Variants in PCDHGA4 observed in about 807,000 individuals in gnomAD.
PCDHGA4 encodes protocadherin gamma subfamily A, 4.
A neutral mutation model predicts 54.6 loss-of-function variants in PCDHGA4; 38 were observed. The observed-to-expected ratio is 0.70, with a 90% CI of 0.54 to 0.91. PCDHGA4 has a LOEUF of 0.91. PCDHGA4 is among the 40% of genes least tolerant of loss of function. PCDHGA4 has a pLI of 0.00. For missense variants in PCDHGA4, 1,298 were observed against 1,220.9 expected (o/e 1.06, Z -0.94); for synonymous variants, 511 against 512.9 (o/e 1.00, Z 0.05).
At chr5:141,385,197 T>A (rs371691840) in intron 1 of PCDHGA4, 1 of 1,613,774 alleles carries the variant, frequency 6.2e-7, no homozygotes, top group African/African-American at 1.3e-5. Flanking sequence ...CTCGGAAGAG[T>A]CACCTGATCT....
chr5:141,444,915 T>C (rs1262912255), intron 1 of PCDHGA4, among the ~76,000 whole-genome samples: 1 of 152,174 alleles, frequency 6.6e-6, no homozygotes, highest in East Asian at 1.9e-4. Flanking sequence ...TCTATACCTT[T>C]ATCAGGGAAA....
chr5:141,490,423 T>C lies in PCDHGA4; in HGVS notation c.2515-4384T>C. ...CCTTGATATCTCTCCGGACCTGCCATTTCAGATTAAGCCTTCTGAGAACCA... is the reference window on the plus strand; with the variant it reads ...CCTTGATATCTCTCCGGACCTGCCACTTCAGATTAAGCCTTCTGAGAACCA... On this transcript the variant is annotated intron_variant, in intron 1 of 3. Coordinates refer to ENST00000571252, the MANE Select transcript of PCDHGA4 (RefSeq NM_018917.4). This position sits in a 1 kb window ranked among gnomAD's most constrained non-coding sequence, Gnocchi z 5.4. 6.2e-7 allele frequency: 1 copy of C among 1,614,172 alleles called. No individual in the cohort carries two copies. The highest frequency in any genetic ancestry group is 8.5e-7 in the Non-Finnish European group (1 of 1,180,028).
At chr5:141,376,310 G>T in intron 1 of PCDHGA4, 1 of 1,613,946 alleles carries the variant, frequency 6.2e-7, no homozygotes, top group Non-Finnish European at 8.5e-7. Context: ...CTTTGTGGGC[G>T]TGGAAGGGGT....
intron 1 of PCDHGA4, chr5:141,379,581 T>A (rs1300858565): frequency 6.6e-6 from 1 of 152,240 alleles, no homozygotes; most frequent in Non-Finnish European, 1.5e-5. Context: ...TGGTTTATTT[T>A]ATTCTCTTAT....
chr5:141,487,749 A>G lies in PCDHGA4; in HGVS notation c.2515-7058A>G, dbSNP rs574710316. 3.9e-5 allele frequency: 60 copies of G among 1,557,180 alleles called. No homozygotes were observed. The African/African-American group carries it at 5.6e-4, about 14-fold the overall frequency. ...GTCACCATTTTTGTAAGAGGTAACT[A>G]TGTGGTAGACGCTGTGCTTTGTAAC... is the stretch of plus-strand genomic sequence containing the variant. On this transcript the variant is annotated intron_variant, in intron 1 of 3. Coordinates refer to ENST00000571252, the MANE Select transcript of PCDHGA4 (RefSeq NM_018917.4). The surrounding 1 kb of genome is among the most constrained non-coding windows in gnomAD (Gnocchi z 5.0).
chr5:141,431,318 G>C lies in PCDHGA4; in HGVS notation c.2515-63489G>C. 1 of 1,614,086 alleles carries C rather than the reference G, an allele frequency of 6.2e-7. No homozygotes were observed. Among genetic ancestry groups the C allele is most frequent in the African/African-American group, 1.3e-5 (1 of 75,050 alleles). On this transcript the variant is annotated intron_variant, in intron 1 of 3. Transcript: ENST00000571252. The surrounding 1 kb of genome is among the most constrained non-coding windows in gnomAD (Gnocchi z 4.8). ...CTCCCTCATCGTGCAAAATGGAGCC[G>C]ACGGTAGTAAGTACCCCGAATTGGT...
intron 1 of PCDHGA4, among the ~76,000 whole-genome samples, chr5:141,494,399 T>A (rs2099754028): frequency 6.6e-6 from 1 of 152,146 alleles, no homozygotes; most frequent in South Asian, 2.1e-4. Context: ...ATAAATTCAT[T>A]CTAGGGCTGG....
chr5:141,370,097 C>T (rs1368287584), intron 1 of PCDHGA4, among the ~76,000 whole-genome samples: 2 of 152,174 alleles, frequency 1.3e-5, no homozygotes. Flanking sequence ...AGTACACTGC[C>T]GATTTTTCTC....
At chr5:141,492,068 G>A in intron 1 of PCDHGA4, 1 of 479,628 alleles carries the variant, frequency 2.1e-6, no homozygotes, top group Non-Finnish European at 3.7e-6. Flanking sequence ...AGCCTCCTAG[G>A]CGCCGGCTCC....
intron 1 of PCDHGA4, chr5:141,370,528 C>T (rs896464914): frequency 1.3e-5 from 21 of 1,613,784 alleles, no homozygotes; most frequent in Middle Eastern, 1.6e-4. Flanking sequence ...GACAGGGGCT[C>T]GCTGGTAGGG....
At chr5:141,402,162 A>T (rs2150923142) in intron 1 of PCDHGA4, among the ~76,000 whole-genome samples, 1 of 152,306 alleles carries the variant, frequency 6.6e-6, no homozygotes, top group East Asian at 1.9e-4. Context: ...TTAGGCGAGA[A>T]CATCTGTAAC....
At chr5:141,413,385 A>G (rs1328460811) in intron 1 of PCDHGA4, 23 of 1,613,870 alleles carry the variant, frequency 1.4e-5, no homozygotes, top group Non-Finnish European at 1.8e-5. Flanking sequence ...GAGTCCGCAT[A>G]GTCTCCAGAG....
intron 1 of PCDHGA4, among the ~76,000 whole-genome samples, chr5:141,380,915 G>A (rs1452983675): frequency 6.6e-6 from 1 of 152,180 alleles, no homozygotes. Context: ...TGCTTACATT[G>A]TTTAATAATC....
At chr5:141,464,411 A>G (rs1029342220) in intron 1 of PCDHGA4, among the ~76,000 whole-genome samples, 3 of 151,624 alleles carry the variant, frequency 2.0e-5, no homozygotes, top group Admixed American at 6.6e-5. Flanking sequence ...AGATATATAT[A>G]TATCTATATA....
intron 1 of PCDHGA4, chr5:141,360,565 G>T (rs180935383): frequency 6.2e-7 from 1 of 1,613,894 alleles, no homozygotes. Context: ...AAAAATTGGC[G>T]AATCCACTAA....
intron 1 of PCDHGA4, chr5:141,403,381 C>T (rs1022563452): frequency 4.3e-6 from 7 of 1,614,038 alleles, no homozygotes; most frequent in Non-Finnish European, 8.5e-7. Context: ...TAAAAATTAA[C>T]GAAATCGCGG....
chr5:141,433,354 T>TCTGC, intron 1 of PCDHGA4: 2 of 602,322 alleles, frequency 3.3e-6, no homozygotes, highest in South Asian at 2.1e-5. Context: ...CCACCTACTG[T>TCTGC]CTGCCTATCT....
chr5:141,431,093 G>A lies in PCDHGA4; in HGVS notation c.2515-63714G>A. 6.2e-7 allele frequency: 1 copy of A among 1,614,250 alleles called. No individual in the cohort carries two copies. The highest frequency in any genetic ancestry group is 8.5e-7 in the Non-Finnish European group (1 of 1,180,032). On this transcript the variant is annotated intron_variant, in intron 1 of 3. Transcript: ENST00000571252. The surrounding 1 kb of genome is among the most constrained non-coding windows in gnomAD (Gnocchi z 4.8). Reference sequence around the variant, plus strand: ...ATTAAATCTAGACATTCTGATGGAGGATAAAGTGAAAATATATGGAGTAGA... The same window carrying A: ...ATTAAATCTAGACATTCTGATGGAGAATAAAGTGAAAATATATGGAGTAGA...
chr5:141,384,827 T>A lies in PCDHGA4; in HGVS notation c.2514+27206T>A, dbSNP rs182404532. ...AGAGATGCCCTCAAGCAGAGCCTCG[T>A]GGTGGCCGTCCAGGACCACGGTCAG... On this transcript the variant is annotated intron_variant, in intron 1 of 3. Transcript: ENST00000571252. The A allele has an allele frequency of 2.2e-4, 348 of 1,613,356 alleles. No individual in the cohort carries two copies. The highest frequency in any genetic ancestry group is 2.5e-4 in the Non-Finnish European group (296 of 1,179,908).
Sources: gnomAD v4.1 joint callset for allele counts (sites outside exome capture counted in the v4.1 genomes callset) on GRCh38, gnomAD v4.1.1 for gene constraint, Gnocchi (gnomAD v3.1) non-coding constraint, MANE v1.5 for transcripts, NCBI Gene and HGNC (gene_info 2026-07-23, HGNC 2026-07-21) for gene names.